FAM91A1: variants seen among roughly 807,000 people sequenced by gnomAD.
FAM91A1 encodes protein FAM91A1.
A neutral mutation model predicts 113.5 loss-of-function variants in FAM91A1; 41 were observed. That is an observed-to-expected ratio of 0.36 (90% CI 0.28 to 0.47). The LOEUF is 0.47. Ranked by LOEUF, FAM91A1 falls within the 20% of genes least tolerant of loss-of-function variation. FAM91A1 has a pLI of 1.00. For synonymous variants in FAM91A1, 307 were observed against 347.9 expected, an observed-to-expected ratio of 0.88 and a Z score of 1.31; for missense variants, 696 against 1,001.2, an observed-to-expected ratio of 0.70 and a Z score of 4.11.
rs766540869 is a variant in FAM91A1, at chr8:123,777,246, AT to A, written c.310-12del. ...AGGACATTTTAGATTTCAAATTTAA[AT>A]TTTTTTCTTTTTAAAAGGATATTAT... is the stretch of plus-strand genomic sequence containing the variant. On this transcript the variant is annotated intron_variant, in intron 3 of 23. Transcript: ENST00000334705. The A allele has an allele frequency of 3.7e-4, 571 of 1,543,156 alleles. No individual in the cohort carries two copies. The highest frequency in any genetic ancestry group is 4.9e-4 in the Non-Finnish European group (548 of 1,128,604).
intron 22 of FAM91A1, 46 bp from the exon 23 acceptor site, chr8:123,810,236 G>A: frequency 2.6e-6 from 4 of 1,554,172 alleles, no homozygotes; most frequent in Non-Finnish European, 3.5e-6. Context: ...ACTCATTCTT[G>A]CCTTTATGTT....
chr8:123,797,063 A>T (rs1486622324), intron 15 of FAM91A1, among the ~76,000 whole-genome samples: 5 of 152,012 alleles, frequency 3.3e-5, no homozygotes, highest in Admixed American at 1.3e-4. Flanking sequence ...CTGTCTCAAA[A>T]AAATAAATAA....
chr8:123,796,775 G>A (rs557140147), intron 15 of FAM91A1, among the ~76,000 whole-genome samples: 3 of 150,292 alleles, frequency 2.0e-5, no homozygotes, highest in East Asian at 2.0e-4. Flanking sequence ...TTTAAGATAC[G>A]GGTCTTGGCT....
At chr8:123,769,449 C>T (rs1814786941) in intron 1 of FAM91A1, among the ~76,000 whole-genome samples, 1 of 152,152 alleles carries the variant, frequency 6.6e-6, no homozygotes, top group Non-Finnish European at 1.5e-5. Flanking sequence ...GAAAAGTGGT[C>T]AGGGCCAGAT....
Position 123,787,369 on chromosome 8 carries a change from C to A in FAM91A1, c.1187C>A (p.Ser396Ter). The A allele has an allele frequency of 1.2e-6, 2 of 1,607,858 alleles. No homozygotes were observed. Among genetic ancestry groups the A allele is most frequent in the Non-Finnish European group, 1.7e-6 (2 of 1,176,186 alleles). ...LTAFLMMGNL[S>*]PNLKSHAVTM... Reference sequence around the variant, plus strand: ...GCCTTCTTAATGATGGGAAATCTTTCACCAGTAAGCCCAATTCTTGTTTAA... The same window carrying A: ...GCCTTCTTAATGATGGGAAATCTTTAACCAGTAAGCCCAATTCTTGTTTAA... Residue 396 changes from serine to a stop codon, truncating the protein, a stop_gained, in exon 13 of 24, where the codon TCA (serine) becomes TAA (stop). Coordinates refer to ENST00000334705, the MANE Select transcript of FAM91A1 (RefSeq NM_144963.4). LOFTEE classifies it high-confidence loss of function.
intron 15 of FAM91A1, among the ~76,000 whole-genome samples, chr8:123,796,545 C>T (rs1180057722): frequency 3.3e-5 from 5 of 150,672 alleles, no homozygotes; most frequent in African/African-American, 4.9e-5. Context: ...CTGTGACCTC[C>T]GCCTCCCGGG....
rs17351749 is a variant in FAM91A1 at position 123,814,289 on chromosome 8, C to A, written c.*1585C>A. On this transcript the variant is annotated 3_prime_UTR_variant, in exon 24 of 24. Transcript: ENST00000334705. ...AATTGATATTGTACATTCCTAGTGCCATTAGGTATGTATGTATGTAACTTT... is the reference window on the plus strand; with the variant it reads ...AATTGATATTGTACATTCCTAGTGCAATTAGGTATGTATGTATGTAACTTT... 6,209 of 262,264 alleles carry A rather than the reference C, an allele frequency of 0.024. 106 individuals are homozygous for A. The highest frequency in any genetic ancestry group is 0.03 in the Admixed American group (505 of 17,004). The allele number at this position is 262,264 out of a possible 1,614,324, so 16.2% of individuals were successfully genotyped here.
chr8:123,806,344 T>TA, intron 20 of FAM91A1, 115 bp downstream of exon 20: 6 of 1,129,182 alleles, frequency 5.3e-6, no homozygotes, highest in South Asian at 1.8e-5. Flanking sequence ...GAATACTCAA[T>TA]ATTCTTTCAC....
At chr8:123,772,874 A>C (rs1257518233) in intron 1 of FAM91A1, among the ~76,000 whole-genome samples, 1 of 152,226 alleles carries the variant, frequency 6.6e-6, no homozygotes, top group Non-Finnish European at 1.5e-5. Context: ...TGCTATTATG[A>C]AAATCATAAT....
chr8:123,787,776 A>T lies in FAM91A1; in HGVS notation c.1278+26A>T, dbSNP rs201277227. 7 of 1,557,574 alleles carry T rather than the reference A, an allele frequency of 4.5e-6. No individual in the cohort carries two copies. The African/African-American group carries it at 8.2e-5, about 18-fold the overall frequency. ...GTAAATGTAGATTGCATGTAAGGGG[A>T]TGTTAGGGCATTTGGAATCTGTCCT... On this transcript the variant is annotated intron_variant, in intron 14 of 23. Coordinates refer to ENST00000334705, the MANE Select transcript of FAM91A1 (RefSeq NM_144963.4).
chr8:123,784,360 G>T lies in FAM91A1; in HGVS notation c.704-110G>T. On this transcript the variant is annotated intron_variant, in intron 8 of 23. Coordinates refer to ENST00000334705, the MANE Select transcript of FAM91A1 (RefSeq NM_144963.4). ...GGAGTGGATAAATAAATCAAAAGCT[G>T]CATTCAGTCCCTAAGTTAGAGGTTT... 3 of 692,298 alleles carry T rather than the reference G, an allele frequency of 4.3e-6. No individual in the cohort carries two copies. In the South Asian group the frequency reaches 5.8e-5, roughly 13 times the overall value. 42.9% of individuals were successfully genotyped at this position (692,298 alleles called of 1,614,324 possible).
At chr8:123,797,430 C>G (rs939676499) in intron 15 of FAM91A1, among the ~76,000 whole-genome samples, 1 of 152,196 alleles carries the variant, frequency 6.6e-6, no homozygotes, top group Non-Finnish European at 1.5e-5. Context: ...GCCTCCCCTT[C>G]CACCTCTTCT....
chr8:123,792,404 G>T (rs753346805), intron 15 of FAM91A1, among the ~76,000 whole-genome samples: 2 of 152,100 alleles, frequency 1.3e-5, no homozygotes, highest in African/African-American at 4.8e-5. Flanking sequence ...ATAGCACGGC[G>T]TACTGTTTAT....
intron 19 of FAM91A1, among the ~76,000 whole-genome samples, chr8:123,805,716 G>A (rs556924886): frequency 1.3e-5 from 2 of 152,238 alleles, no homozygotes; most frequent in South Asian, 4.1e-4. Flanking sequence ...AGTGACAACA[G>A]GATCTTAAAA....
intron 15 of FAM91A1, among the ~76,000 whole-genome samples, chr8:123,795,316 TC>T (rs1161505419): frequency 3.3e-5 from 5 of 152,154 alleles, no homozygotes; most frequent in Non-Finnish European, 7.4e-5. Flanking sequence ...CTAATTGTAA[TC>T]TCCAATGTTG....
intron 23 of FAM91A1, 128 bp from the exon 24 acceptor site, chr8:123,812,391 C>CCGT: frequency 1.5e-5 from 7 of 477,296 alleles, no homozygotes; most frequent in South Asian, 1.6e-4. Flanking sequence ...TAGATCTTTG[C>CCGT]ATCTCCTGTA....
chr8:123,806,391 C>T (rs146258986), intron 20 of FAM91A1, among the ~76,000 whole-genome samples, 162 bp downstream of exon 20: 38 of 152,194 alleles, frequency 2.5e-4, no homozygotes, highest in South Asian at 8.3e-4. Flanking sequence ...ATCATTTGGA[C>T]AAATGTCAGT....
chr8:123,803,698 T>C (rs1815740394), intron 18 of FAM91A1, among the ~76,000 whole-genome samples: 1 of 152,236 alleles, frequency 6.6e-6, no homozygotes, highest in Non-Finnish European at 1.5e-5. Flanking sequence ...ATTTACCTTA[T>C]TGGAATTTAA....
chr8:123,777,385 C>T (rs1259542422), intron 4 of FAM91A1, 63 bp downstream of exon 4: 1 of 1,410,948 alleles, frequency 7.1e-7, no homozygotes, highest in Admixed American at 1.8e-5. Flanking sequence ...ATCCTGTCAT[C>T]TGTGAATATT....
Sources: allele counts gnomAD v4.1 joint callset (sites outside exome capture counted in the v4.1 genomes callset), GRCh38; gene constraint gnomAD v4.1.1; transcripts MANE v1.5; gene names NCBI Gene and HGNC (gene_info 2026-07-23, HGNC 2026-07-21).